The following PCSK5 variants were observed in gnomAD, a reference collection of about 807,000 sequenced individuals.
The protein encoded by PCSK5 is proprotein convertase subtilisin/kexin type 5.
PCSK5 carries 129 observed loss-of-function variants against 233.2 expected under a neutral mutation model. That is an observed-to-expected ratio of 0.55 (90% CI 0.48 to 0.64). PCSK5 has a LOEUF of 0.64. Among genes scored for constraint, PCSK5 ranks in the 30% least tolerant of loss-of-function variants. The pLI, the probability that PCSK5 is intolerant of heterozygous loss-of-function variation, is 0.00. For synonymous variants in PCSK5, 825 were observed against 879.2 expected (o/e 0.94, Z 1.09); for missense variants, 2,076 against 2,430.1 (o/e 0.85, Z 3.06).
chr9:76,091,811 A>T (rs1831302125), intron 7 of PCSK5, among the ~76,000 whole-genome samples: 1 of 152,140 alleles, frequency 6.6e-6, no homozygotes, highest in Non-Finnish European at 1.5e-5. Flanking sequence ...GTGCCCCTTC[A>T]GGCCTGGGAG....
intron 35 of PCSK5, among the ~76,000 whole-genome samples, chr9:76,344,123 A>G (rs111534615): frequency 1.3e-5 from 2 of 152,198 alleles, no homozygotes; most frequent in African/African-American, 2.4e-5. Context: ...CCATATTTCA[A>G]CTGCTCAGTG....
At chr9:76,111,463 C>T (rs540300042) in intron 9 of PCSK5, among the ~76,000 whole-genome samples, 6 of 152,024 alleles carry the variant, frequency 3.9e-5, no homozygotes, top group Admixed American at 1.3e-4. Flanking sequence ...AAATTATGGA[C>T]GATTTTAGAA....
rs145393346 is a variant in PCSK5, at chr9:75,918,398, C to T, written c.193-13981C>T. On this transcript the variant is annotated intron_variant, in intron 1 of 37. Transcript: ENST00000674117. ...AGTTAAGGTGGGGCTCATTAACGTGCATTTCTGCCAGGCTCATTGATGCCA... is the reference window on the plus strand; with the variant it reads ...AGTTAAGGTGGGGCTCATTAACGTGTATTTCTGCCAGGCTCATTGATGCCA... Among the ~76,000 whole-genome samples the T allele has an allele frequency of 1.5e-3, 224 of 152,318 alleles. 1 individual carries two copies. The highest frequency in any genetic ancestry group is 5.3e-3 in the African/African-American group (219 of 41,586).
intron 21 of PCSK5, among the ~76,000 whole-genome samples, chr9:76,230,412 A>T (rs961394412): frequency 1.3e-5 from 2 of 152,234 alleles, no homozygotes; most frequent in Non-Finnish European, 2.9e-5. Context: ...AGGGTTCTAT[A>T]TCTGCTTCCT....
intron 9 of PCSK5, among the ~76,000 whole-genome samples, chr9:76,115,812 C>T (rs1774515110): frequency 6.6e-6 from 1 of 152,100 alleles, no homozygotes; most frequent in Non-Finnish European, 1.5e-5. Flanking sequence ...TATTCCTCTA[C>T]TCTATATTTA....
chr9:75,954,159 A>C (rs1022802725), intron 2 of PCSK5, among the ~76,000 whole-genome samples: 1 of 152,206 alleles, frequency 6.6e-6, no homozygotes, highest in South Asian at 2.1e-4. Context: ...CATGCTGGAC[A>C]TTTCGTTTGT....
At chr9:76,029,669 A>G (rs188640787) in intron 5 of PCSK5, among the ~76,000 whole-genome samples, 2 of 152,254 alleles carry the variant, frequency 1.3e-5, no homozygotes, top group East Asian at 1.9e-4. Context: ...TGTACCCTCT[A>G]ATACCTATGA....
intron 30 of PCSK5, among the ~76,000 whole-genome samples, chr9:76,312,364 C>T (rs1037022936): frequency 6.6e-6 from 1 of 152,020 alleles, no homozygotes; most frequent in African/African-American, 2.4e-5. Flanking sequence ...ACAAAATTAG[C>T]CAGGCATGGT....
intron 8 of PCSK5, among the ~76,000 whole-genome samples, chr9:76,097,905 C>G (rs931137787): frequency 6.6e-6 from 1 of 152,150 alleles, no homozygotes; most frequent in African/African-American, 2.4e-5. Context: ...TTTGTCTTTT[C>G]AAGGTAGAGC....
At chr9:76,043,110 G>A (rs1289881441) in intron 5 of PCSK5, among the ~76,000 whole-genome samples, 1 of 152,158 alleles carries the variant, frequency 6.6e-6, no homozygotes, top group Non-Finnish European at 1.5e-5. Flanking sequence ...ACTTTGGGAG[G>A]CCGAGGCGGG....
At position 76,316,184 on chromosome 9, in the gene PCSK5, A is replaced by C. The variant is rs563878863; in HGVS notation, c.3885-5238A>C. 2.0e-5 allele frequency among the ~76,000 whole-genome samples: 3 copies of C among 152,092 alleles called. No homozygotes were observed. The East Asian group carries it at 5.8e-4, about 30-fold the overall frequency. On this transcript the variant is annotated intron_variant, in intron 30 of 37. Transcript: ENST00000674117. The stretch of plus-strand genomic sequence containing the variant: ...CAAAGCTCCCCTCCTTTAAACACAG[A>C]GTGGATCATTGTGGCAAGCCAGTTC...
intron 1 of PCSK5, among the ~76,000 whole-genome samples, chr9:75,903,940 C>T (rs1826160931): frequency 6.6e-6 from 1 of 152,092 alleles, no homozygotes; most frequent in Admixed American, 6.6e-5. Flanking sequence ...GTTTGTGTGT[C>T]AGTGGGAACC....
intron 1 of PCSK5, among the ~76,000 whole-genome samples, chr9:75,911,786 G>A (rs1377262449): frequency 6.6e-6 from 1 of 152,098 alleles, no homozygotes; most frequent in East Asian, 1.9e-4. Flanking sequence ...AGCAGGCTAG[G>A]TATCTTCCCA....
intron 31 of PCSK5, among the ~76,000 whole-genome samples, chr9:76,321,929 A>C (rs1337947272): frequency 6.6e-6 from 1 of 152,004 alleles, no homozygotes; most frequent in African/African-American, 2.4e-5. Context: ...CTAGAGGTAC[A>C]GAGAAGAACC....
intron 2 of PCSK5, among the ~76,000 whole-genome samples, chr9:75,938,256 A>G (rs1309023276): frequency 1.3e-5 from 2 of 152,132 alleles, no homozygotes; most frequent in Non-Finnish European, 2.9e-5. Flanking sequence ...TAATTGGCCC[A>G]ATTTCAATAT....
At chr9:76,350,108 T>C (rs900047628) in intron 35 of PCSK5, among the ~76,000 whole-genome samples, 10 of 48,862 alleles carry the variant, frequency 2.0e-4, no homozygotes, top group African/African-American at 5.2e-4. Context: ...CAAGACCCCA[T>C]CTGAAAAAAA....
At chr9:76,188,475 C>A in intron 17 of PCSK5, 103 bp from the exon 18 acceptor site, 1 of 716,720 alleles carries the variant, frequency 1.4e-6, no homozygotes, top group Non-Finnish European at 2.4e-6. Context: ...AATCCACTGG[C>A]CTCTGAGGGA....
In PCSK5 at chr9:76,296,851, G is replaced by C; in HGVS notation, c.3509G>C (p.Gly1170Ala). The C allele has an allele frequency of 6.2e-7, 1 of 1,608,416 alleles. No individual in the cohort carries two copies. Among genetic ancestry groups the C allele is most frequent in the Non-Finnish European group, 8.5e-7 (1 of 1,178,368 alleles). ...CATGCCACCAAGACCCAGGAGGAGGGCAAATTCTGGAATGGTATGTGCCCC... is the reference window on the plus strand; with the variant it reads ...CATGCCACCAAGACCCAGGAGGAGGCCAAATTCTGGAATGGTATGTGCCCC... Reference protein sequence around the residue: ...CVHATKTQEEGKFWNEAVSTA... With the variant: ...CVHATKTQEEAKFWNEAVSTA... The change falls in exon 27 of 38, where the codon GGC (glycine) becomes GCC (alanine). Residue 1170 changes from glycine to alanine, a missense_variant. Gly to Ala is a moderately conservative substitution (Grantham distance 60). This residue lies in a region of PCSK5 where 1,510 missense variants were observed against 1,538.1 expected (regional missense o/e 0.98). Coordinates refer to ENST00000674117, the MANE Select transcript of PCSK5 (RefSeq NM_001372043.1).
At chr9:76,026,384 T>C (rs905735231) in intron 4 of PCSK5, among the ~76,000 whole-genome samples, 1 of 152,184 alleles carries the variant, frequency 6.6e-6, no homozygotes, top group African/African-American at 2.4e-5. Context: ...TTATAGTAGA[T>C]ACAATACCTG....
Sources: gnomAD v4.1 joint callset for allele counts (sites outside exome capture counted in the v4.1 genomes callset) on GRCh38, gnomAD v4.1.1 for gene constraint, gnomAD v4.1.1 regional missense constraint, MANE v1.5 for transcripts, NCBI Gene and HGNC (gene_info 2026-07-23, HGNC 2026-07-21) for gene names.